Variants in ADD3 observed in about 807,000 individuals in gnomAD.
ADD3 encodes gamma-adducin.
A neutral mutation model predicts 80.2 loss-of-function variants in ADD3; 25 were observed. The observed-to-expected ratio is 0.31, with a 90% CI of 0.23 to 0.44. ADD3 has a LOEUF of 0.44. ADD3 is among the 20% of genes least tolerant of loss of function. The pLI is 1.00. For missense variants in ADD3, 829 were observed against 847.5 expected (o/e 0.98, Z 0.27); for synonymous variants, 284 against 289.6 (o/e 0.98, Z 0.20).
chr10:110,066,396 C>T (rs577124873), intron 1 of ADD3, among the ~76,000 whole-genome samples: 18 of 152,218 alleles, frequency 1.2e-4, no homozygotes, highest in Admixed American at 9.8e-4. Flanking sequence ...GCCACCATGC[C>T]TGGCTAGTTT....
At chr10:110,082,705 G>A (rs936692207) in intron 1 of ADD3, among the ~76,000 whole-genome samples, 1 of 152,126 alleles carries the variant, frequency 6.6e-6, no homozygotes, top group Admixed American at 6.5e-5. Context: ...TTTGTACGTG[G>A]TCTCAAAACA....
At chr10:110,117,841 C>T (rs368143165) in intron 5 of ADD3, among the ~76,000 whole-genome samples, 26 of 152,104 alleles carry the variant, frequency 1.7e-4, no homozygotes, top group African/African-American at 5.8e-4. Context: ...TGGTGAAACC[C>T]CATCTCTACT....
chr10:110,084,621 C>T (rs1241902567), intron 1 of ADD3, among the ~76,000 whole-genome samples: 1 of 152,166 alleles, frequency 6.6e-6, no homozygotes. Context: ...CTACCTTTCT[C>T]CATATGAGAA....
intron 8 of ADD3, chr10:110,119,789 C>T (rs769889495): frequency 1.2e-5 from 5 of 421,978 alleles, no homozygotes; most frequent in South Asian, 3.3e-5. Context: ...GCCTCATAAA[C>T]ATCATTTTCC....
chr10:109,996,734 G>T (rs1256507166), intron 1 of ADD3, among the ~76,000 whole-genome samples: 1 of 152,094 alleles, frequency 6.6e-6, no homozygotes, highest in Admixed American at 6.5e-5. Flanking sequence ...TATCTGGGAG[G>T]GCTTAGTAGA....
intron 1 of ADD3, 35 bp from the exon 2 acceptor site, chr10:110,100,590 A>T (rs937129133): frequency 7.4e-7 from 1 of 1,346,424 alleles, no homozygotes. Context: ...TAATGAATTT[A>T]TCATGGATGT....
chr10:109,999,453 T>A (rs1226023639), intron 1 of ADD3, among the ~76,000 whole-genome samples: 1 of 152,196 alleles, frequency 6.6e-6, no homozygotes, highest in African/African-American at 2.4e-5. Flanking sequence ...ATCCTCCCTG[T>A]TTTCTCCAGC....
At chr10:110,124,464 C>G (rs974428517) in intron 10 of ADD3, among the ~76,000 whole-genome samples, 190 bp downstream of exon 10, 1 of 152,074 alleles carries the variant, frequency 6.6e-6, no homozygotes, top group Non-Finnish European at 1.5e-5. Flanking sequence ...TTTAACTCTC[C>G]TAATATGAAT....
chr10:110,088,607 AG>A (rs953250349), intron 1 of ADD3, among the ~76,000 whole-genome samples: 24 of 152,296 alleles, frequency 1.6e-4, no homozygotes, highest in African/African-American at 5.3e-4. Flanking sequence ...TTGCAGTTGC[AG>A]TGTGTTGAGT....
intron 1 of ADD3, among the ~76,000 whole-genome samples, chr10:110,023,993 A>G (rs988415506): frequency 3.3e-5 from 5 of 152,222 alleles, no homozygotes; most frequent in Admixed American, 2.6e-4. Flanking sequence ...AAGACAGAAC[A>G]GTCGACACTG....
chr10:110,086,611 A>G (rs1226428906), intron 1 of ADD3, among the ~76,000 whole-genome samples: 1 of 152,068 alleles, frequency 6.6e-6, no homozygotes, highest in Non-Finnish European at 1.5e-5. Flanking sequence ...GTTGGTTAAA[A>G]GTGTGTATGT....
At position 110,119,197 on chromosome 10, in the gene ADD3, G is replaced by A. The variant is rs1424116571; in HGVS notation, c.718-14G>A. ...AACCAAATGTGTTATCTTGGTATGG[G>A]CCAAACCAAATAGGTATCCTCCATG... On this transcript the variant is annotated splice_polypyrimidine_tract_variant and intron_variant, in intron 6 of 14. Transcript: ENST00000356080. 16 of 1,613,686 alleles carry A rather than the reference G, an allele frequency of 9.9e-6. No homozygotes were observed. The highest frequency in any genetic ancestry group is 1.2e-5 in the Non-Finnish European group (14 of 1,179,802).
intron 1 of ADD3, among the ~76,000 whole-genome samples, chr10:110,049,094 C>T (rs1054476230): frequency 2.6e-5 from 4 of 152,224 alleles, no homozygotes; most frequent in Non-Finnish European, 4.4e-5. Flanking sequence ...AGTTACAGCT[C>T]ATGCTGTGGC....
In ADD3 at chr10:110,116,634, T is replaced by C. The variant is rs551536438; in HGVS notation, c.486+224T>C. Among the ~76,000 whole-genome samples, 10 of 152,308 alleles carry C rather than the reference T, an allele frequency of 6.6e-5. No individual in the cohort carries two copies. The South Asian group carries it at 2.1e-3, about 32-fold the overall frequency. On this transcript the variant is annotated intron_variant, in intron 4 of 14. Transcript: ENST00000356080. ...TCTATGTTGTTCCAAGTTCCTTTGGTTCAGACCAACTGTAGAATCTATCCA... is the reference window on the plus strand; with the variant it reads ...TCTATGTTGTTCCAAGTTCCTTTGGCTCAGACCAACTGTAGAATCTATCCA...
At chr10:110,116,508 ATTC>A (rs1850747392) in intron 4 of ADD3, 98 bp downstream of exon 4, 4 of 1,273,444 alleles carry the variant, frequency 3.1e-6, no homozygotes, top group Admixed American at 2.1e-5. Flanking sequence ...TTTCAGACTT[ATTC>A]TCTAAACCTA....
At chr10:110,007,758 A>AGGGGCGCTC (rs1289286998), upstream of ADD3, among the ~76,000 whole-genome samples, 12 of 149,854 alleles carry the variant, frequency 8.0e-5, no homozygotes, top group South Asian at 4.2e-4. Flanking sequence ...AGGACTCCCG[A>AGGGGCGCTC]GGGGCGCTCG....
intron 1 of ADD3, among the ~76,000 whole-genome samples, chr10:110,066,632 GT>G (rs889298978): frequency 6.6e-5 from 10 of 151,512 alleles, no homozygotes; most frequent in East Asian, 5.8e-4. Flanking sequence ...AACATTCTGG[GT>G]TTTTTTTGTG....
At chr10:110,112,444 G>A (rs981414000) in intron 2 of ADD3, 1 of 188,364 alleles carries the variant, frequency 5.3e-6, no homozygotes, top group Admixed American at 5.7e-5. Flanking sequence ...AGCTAAGCAA[G>A]GAGTGGGTCA....
At chr10:110,084,361 T>A (rs1370822439) in intron 1 of ADD3, among the ~76,000 whole-genome samples, 3 of 152,212 alleles carry the variant, frequency 2.0e-5, no homozygotes, top group African/African-American at 7.2e-5. Context: ...ATTACCTGGC[T>A]TTTTAGAGAT....
Sources: allele counts gnomAD v4.1 joint callset (sites outside exome capture counted in the v4.1 genomes callset), GRCh38; gene constraint gnomAD v4.1.1; transcripts MANE v1.5; gene names NCBI Gene and HGNC (gene_info 2026-07-23, HGNC 2026-07-21).